ZNF570: variants seen among roughly 807,000 people sequenced by gnomAD.
The protein encoded by ZNF570 is zinc finger protein 570.
Under a neutral mutation model 14.2 loss-of-function variants are expected in ZNF570, and 8 were observed. The observed-to-expected ratio is 0.56, with a 90% CI of 0.33 to 1.02. ZNF570 has a LOEUF of 1.02. ZNF570 is among the 50% of genes least tolerant of loss of function. The pLI is 0.03. For synonymous variants in ZNF570, 202 were observed against 207.6 expected (o/e 0.97, Z 0.23); for missense variants, 559 against 624.9 (o/e 0.89, Z 1.12).
Position 37,469,479 on chromosome 19 carries a change from C to T in ZNF570, c.-130C>T. ...CTTCCACCAGTTCTGTTCTGCAGGT[C>T]GGGAGTGGGCTGAGGAGTGGCGTGT... On this transcript the variant is annotated 5_prime_UTR_variant, in exon 1 of 5. Transcript: ENST00000330173. The T allele has an allele frequency of 6.5e-7, 1 of 1,536,368 alleles. No individual in the cohort carries two copies. Among genetic ancestry groups the T allele is most frequent in the South Asian group, 1.2e-5 (1 of 84,048 alleles).
chr19:37,476,942 G>A (rs1164199928), intron 4 of ZNF570, among the ~76,000 whole-genome samples: 1 of 152,010 alleles, frequency 6.6e-6, no homozygotes, highest in Non-Finnish European at 1.5e-5. Flanking sequence ...CTGACCTCAC[G>A]TGATCTGCCT....
Position 37,484,952 on chromosome 19 carries a change from T to A in ZNF570, c.1330T>A (p.Cys444Ser). 1 of 1,614,090 alleles carries A rather than the reference T, an allele frequency of 6.2e-7. No individual in the cohort carries two copies. Among genetic ancestry groups the A allele is most frequent in the Non-Finnish European group, 8.5e-7 (1 of 1,180,000 alleles). Residue 444 changes from cysteine to serine, a missense_variant, in exon 5 of 5, where the codon TGT becomes AGT. Cys to Ser is a moderately radical substitution (Grantham distance 112). Coordinates refer to ENST00000330173, the MANE Select transcript of ZNF570 (RefSeq NM_144694.5). ...RVHTGEKPYE[C>S]IECGKAFSND... ...TCATACTGGAGAGAAACCCTATGAATGTATTGAATGTGGGAAGGCTTTTAG... is the reference window on the plus strand; with the variant it reads ...TCATACTGGAGAGAAACCCTATGAAAGTATTGAATGTGGGAAGGCTTTTAG...
At chr19:37,475,771 A>G in intron 2 of ZNF570, 110 bp from the exon 3 acceptor site, 3 of 1,082,304 alleles carry the variant, frequency 2.8e-6, no homozygotes, top group Non-Finnish European at 3.9e-6. Flanking sequence ...ATATGATAAC[A>G]TGGTTACATA....
intron 4 of ZNF570, among the ~76,000 whole-genome samples, chr19:37,477,623 T>G (rs1224342109): frequency 6.6e-6 from 1 of 152,120 alleles, no homozygotes; most frequent in Non-Finnish European, 1.5e-5. Context: ...ATTACAGACG[T>G]GAGCCACTGC....
In ZNF570 at chr19:37,484,186, A is replaced by C. The variant is rs761190454; in HGVS notation, c.564A>C (p.Lys188Asn). The change falls in exon 5 of 5, where the codon AAA (lysine) becomes AAC (asparagine). Residue 188 changes from lysine (K) to asparagine (N), a missense_variant. Lys to Asn is a moderately conservative substitution (Grantham distance 94). Coordinates refer to ENST00000330173, the MANE Select transcript of ZNF570 (RefSeq NM_144694.5). The stretch of plus-strand genomic sequence containing the variant: ...AAAAGATAATCCCCAAAGAGGAGAA[A>C]GTACATAAACATGACACACAAAAGA... ...CTQKIIPKEE[K>N]VHKHDTQKRS... 28 of 1,614,010 alleles carry C rather than the reference A, an allele frequency of 1.7e-5. No individual in the cohort carries two copies. The highest frequency in any genetic ancestry group is 2.2e-5 in the Non-Finnish European group (26 of 1,180,010).
Position 37,475,891 on chromosome 19 carries a change from C to T in ZNF570, c.44C>T (p.Thr15Ile), listed in dbSNP as rs1600380662. 1 of 1,610,572 alleles carries T rather than the reference C, an allele frequency of 6.2e-7. No individual in the cohort carries two copies. Residue 15 changes from threonine (T) to isoleucine (I), a missense_variant, in exon 3 of 5, where the codon ACC becomes ATC. Thr to Ile is a moderately conservative substitution (Grantham distance 89). Transcript: ENST00000330173. Reference sequence around the variant, plus strand: ...TTTATTTCATTTCAGGAGTTGGTGACCTTCAGAGATGTGGCTGTAGACTTC... The same window carrying T: ...TTTATTTCATTTCAGGAGTTGGTGATCTTCAGAGATGTGGCTGTAGACTTC... ...LLKAMYQELV[T>I]FRDVAVDFSQ...
upstream of ZNF570, chr19:37,469,152 T>A (rs1397859592): frequency 1.2e-5 from 14 of 1,132,324 alleles, no homozygotes; most frequent in Non-Finnish European, 1.4e-5. Context: ...ACTTTCGGGC[T>A]CTCTGGAAGG....
chr19:37,472,674 G>A (rs776074026), intron 2 of ZNF570, among the ~76,000 whole-genome samples: 30 of 151,148 alleles, frequency 2.0e-4, no homozygotes, highest in Non-Finnish European at 4.0e-4. Context: ...CCTGGGAGGT[G>A]GAGGTTGCGG....
intron 2 of ZNF570, among the ~76,000 whole-genome samples, chr19:37,474,681 A>T (rs1400219613): frequency 6.6e-6 from 1 of 152,062 alleles, no homozygotes; most frequent in Non-Finnish European, 1.5e-5. Context: ...GCTGTTCTGG[A>T]ACTCCTGACC....
rs758684042 is a variant in ZNF570 at position 37,484,848 on chromosome 19, C to A, written c.1226C>A (p.Thr409Asn). 1 of 1,613,282 alleles carries A rather than the reference C, an allele frequency of 6.2e-7. No homozygotes were observed. The highest frequency in any genetic ancestry group is 8.5e-7 in the Non-Finnish European group (1 of 1,179,900). Residue 409 changes from threonine (T) to asparagine (N), a missense_variant, in exon 5 of 5, where the codon ACT becomes AAT. Thr to Asn is a moderately conservative substitution (Grantham distance 65). Transcript: ENST00000330173. Reference sequence around the variant, plus strand: ...CTTGCTCAACATCAGAGAATTCATACTGGAGAAAAACCTTATAAGTGTCAG... The same window carrying A: ...CTTGCTCAACATCAGAGAATTCATAATGGAGAAAAACCTTATAAGTGTCAG... Reference protein sequence around the residue: ...SHLAQHQRIHTGEKPYKCQEC... With the variant: ...SHLAQHQRIHNGEKPYKCQEC...
intron 4 of ZNF570, among the ~76,000 whole-genome samples, chr19:37,476,705 C>CTTTTTTT (rs35904468): frequency 4.5e-5 from 5 of 111,734 alleles, no homozygotes; most frequent in East Asian, 2.7e-4. Context: ...GTCTTATAAA[C>CTTTTTTT]TTTTTTTTTT....
At position 37,469,779 on chromosome 19, in the gene ZNF570, G is replaced by T. The variant is rs140582394; in HGVS notation, c.-52+222G>T. ...GATACCCTGGTGGCTGAGCCTTGCCGGTATGGGAAAGGGTGCCCGTGTGAG... is the reference window on the plus strand; with the variant it reads ...GATACCCTGGTGGCTGAGCCTTGCCTGTATGGGAAAGGGTGCCCGTGTGAG... On this transcript the variant is annotated intron_variant, in intron 1 of 4. Transcript: ENST00000330173. The T allele has an allele frequency of 4.0e-4, 238 of 591,766 alleles. 1 individual carries two copies. The East Asian group carries it at 6.8e-3, about 17-fold the overall frequency. 36.7% of individuals were successfully genotyped at this position (591,766 alleles called of 1,614,324 possible).
chr19:37,476,597 T>A, intron 4 of ZNF570, 163 bp downstream of exon 4: 1 of 1,041,120 alleles, frequency 9.6e-7, no homozygotes, highest in Non-Finnish European at 1.3e-6. Flanking sequence ...TTGTTATTTT[T>A]AATTATTTCC....
chr19:37,473,257 G>A (rs1456792788), intron 2 of ZNF570, among the ~76,000 whole-genome samples: 3 of 152,110 alleles, frequency 2.0e-5, no homozygotes, highest in African/African-American at 7.2e-5. Context: ...AAGTGAGACT[G>A]CTTAGCATGG....
At position 37,474,935 on chromosome 19, in the gene ZNF570, G is replaced by A. The variant is rs116595171; in HGVS notation, c.34-946G>A. 6.6e-3 allele frequency among the ~76,000 whole-genome samples: 1,006 copies of A among 151,302 alleles called. 13 individuals carry two copies. Among genetic ancestry groups the A allele is most frequent in the African/African-American group, 0.023 (935 of 41,166 alleles). On this transcript the variant is annotated intron_variant, in intron 2 of 4. Coordinates refer to ENST00000330173, the MANE Select transcript of ZNF570 (RefSeq NM_144694.5). ...CCTGGAATCCAGTGGCATCACAGCAGCATTAAGTTTTTTTTGTTTTGTTTT... is the reference window on the plus strand; with the variant it reads ...CCTGGAATCCAGTGGCATCACAGCAACATTAAGTTTTTTTTGTTTTGTTTT...
At chr19:37,469,186 G>C, upstream of ZNF570, 2 of 1,242,454 alleles carry the variant, frequency 1.6e-6, no homozygotes, top group Non-Finnish European at 2.0e-6. Flanking sequence ...AGTGTGGGAG[G>C]ACCTGGTGGG....
At chr19:37,478,841 A>G (rs905239395) in intron 4 of ZNF570, among the ~76,000 whole-genome samples, 1 of 151,392 alleles carries the variant, frequency 6.6e-6, no homozygotes, top group Non-Finnish European at 1.5e-5. Flanking sequence ...TTGAACCAAC[A>G]TTGCATTCCC....
rs920071997 is a variant in ZNF570, at chr19:37,485,312, T to C, written c.*79T>C. ...GTCACCTTGGTCTGATTCATCTCAC[T>C]CTGATTACTAATATAGCTTTCAAAC... On this transcript the variant is annotated 3_prime_UTR_variant, in exon 5 of 5. Transcript: ENST00000330173. 34 of 1,343,516 alleles carry C rather than the reference T, an allele frequency of 2.5e-5. No homozygotes were observed. The highest frequency in any genetic ancestry group is 3.3e-5 in the Non-Finnish European group (33 of 1,009,042). The allele number at this position is 1,343,516 out of a possible 1,614,324, so 83.2% of individuals were successfully genotyped here.
upstream of ZNF570, among the ~76,000 whole-genome samples, chr19:37,468,650 C>T (rs971871440): frequency 6.2e-4 from 94 of 152,302 alleles, no homozygotes; most frequent in African/African-American, 2.1e-3. Context: ...GGACTTAAGG[C>T]GCGTGCCACC....
Sources: allele counts gnomAD v4.1 joint callset (sites outside exome capture counted in the v4.1 genomes callset), GRCh38; gene constraint gnomAD v4.1.1; transcripts MANE v1.5; gene names NCBI Gene and HGNC (gene_info 2026-07-23, HGNC 2026-07-21).